The following SLCO1A2 variants were observed in gnomAD, a reference collection of about 807,000 sequenced individuals.
The protein encoded by SLCO1A2 is solute carrier organic anion transporter family member 1A2, also known as OATP-1.
In SLCO1A2, 67 loss-of-function variants were observed where a neutral mutation model predicts 69.0. The observed-to-expected ratio is 0.97, with a 90% CI of 0.80 to 1.19. SLCO1A2 has a LOEUF of 1.19. SLCO1A2 is among the 50% of genes most tolerant of loss of function. The pLI, the probability that SLCO1A2 is intolerant of heterozygous loss-of-function variation, is 0.00. For synonymous variants in SLCO1A2, 260 were observed against 265.9 expected (o/e 0.98, Z 0.22); for missense variants, 787 against 793.7 (o/e 0.99, Z 0.10).
intron 12 of SLCO1A2, among the ~76,000 whole-genome samples, chr12:21,287,618 T>G (rs11045939): frequency 8.4e-6 from 1 of 118,590 alleles, no homozygotes; most frequent in Non-Finnish European, 1.8e-5. Flanking sequence ...ACCCAAATGT[T>G]CAACAATGAT....
chr12:21,407,686 A>C (rs1211786790), intron 1 of SLCO1A2, among the ~76,000 whole-genome samples: 1 of 152,118 alleles, frequency 6.6e-6, no homozygotes, highest in Non-Finnish European at 1.5e-5. Context: ...CTGTAGTCCC[A>C]GCTACTCCCT....
chr12:21,339,400 T>C (rs1952994316), upstream of SLCO1A2, among the ~76,000 whole-genome samples: 1 of 151,964 alleles, frequency 6.6e-6, no homozygotes, highest in Non-Finnish European at 1.5e-5. Context: ...GATTGCAGCA[T>C]AGTAGTTCAA....
rs1952812855 is a variant in SLCO1A2 at position 21,334,594 on chromosome 12, C to T, written c.54G>A (p.Lys18=). 6.2e-7 allele frequency: 1 copy of T among 1,609,144 alleles called. No individual in the cohort carries two copies. The highest frequency in any genetic ancestry group is 8.5e-7 in the Non-Finnish European group (1 of 1,177,058). The change falls in exon 2 of 15, where the codon AAG becomes AAA. Residue 18 remains lysine, a synonymous_variant. Coordinates refer to ENST00000683939, the MANE Select transcript of SLCO1A2 (RefSeq NM_001386879.1). ...IETHRIRCLS[K]LKMFLLAITC... is the part of the protein sequence containing the mutation. ...ACATACAAAAATTCCATACCTTCAA[C>T]TTGGAAAGACATCTTATTCTATGGG...
At chr12:21,354,234 A>G (rs142461075) in intron 2 of SLCO1A2, among the ~76,000 whole-genome samples, 56 of 152,314 alleles carry the variant, frequency 3.7e-4, no homozygotes, top group African/African-American at 1.3e-3. Flanking sequence ...CTGTGCCGAC[A>G]ATTATATTTT....
chr12:21,365,768 C>T (rs1475875174), intron 2 of SLCO1A2, among the ~76,000 whole-genome samples: 6 of 152,258 alleles, frequency 3.9e-5, no homozygotes, highest in African/African-American at 1.2e-4. Flanking sequence ...CAAAAGAAGA[C>T]ATTTATGCAG....
intron 12 of SLCO1A2, 101 bp downstream of exon 12, chr12:21,292,063 G>C: frequency 1.3e-6 from 1 of 746,626 alleles, no homozygotes; most frequent in East Asian, 2.7e-5. Flanking sequence ...GTACGTTAGA[G>C]CACTGAGTTC....
chr12:21,398,445 T>C (rs1314730716), upstream of SLCO1A2, among the ~76,000 whole-genome samples: 1 of 138,546 alleles, frequency 7.2e-6, no homozygotes, highest in Non-Finnish European at 1.6e-5. Flanking sequence ...CTACCAGAGG[T>C]ACAAGGAGGA....
At chr12:21,378,604 A>G (rs1940381735) in intron 1 of SLCO1A2, 1 of 542,206 alleles carries the variant, frequency 1.8e-6, no homozygotes, top group Admixed American at 3.1e-5. Flanking sequence ...TCCCATAATA[A>G]AAAGATAGTA....
chr12:21,312,930 A>G (rs942538525), intron 4 of SLCO1A2, among the ~76,000 whole-genome samples: 3 of 152,070 alleles, frequency 2.0e-5, no homozygotes, highest in Admixed American at 6.5e-5. Context: ...ATATATATAT[A>G]CAAAAATTAG....
chr12:21,354,290 T>C (rs1192374861), intron 2 of SLCO1A2, among the ~76,000 whole-genome samples: 1 of 152,226 alleles, frequency 6.6e-6, no homozygotes, highest in East Asian at 1.9e-4. Flanking sequence ...AAGCATTCAA[T>C]GAACATGTGT....
chr12:21,409,048 C>T (rs1290967635), intron 1 of SLCO1A2, among the ~76,000 whole-genome samples: 2 of 152,134 alleles, frequency 1.3e-5, no homozygotes, highest in Non-Finnish European at 2.9e-5. Flanking sequence ...GTTTTAGTTC[C>T]CAAAGAAAAC....
chr12:21,314,811 G>T, intron 3 of SLCO1A2, 130 bp from the exon 4 acceptor site: 2 of 727,856 alleles, frequency 2.7e-6, no homozygotes, highest in Admixed American at 2.8e-5. Flanking sequence ...TTGTGCTAGG[G>T]TTGCATTAAA....
intron 10 of SLCO1A2, chr12:21,295,335 C>G (rs1305052072): frequency 3.0e-6 from 1 of 331,832 alleles, no homozygotes; most frequent in Non-Finnish European, 5.5e-6. Context: ...ACTCGGATAT[C>G]ACAAAGACAA....
intron 3 of SLCO1A2, among the ~76,000 whole-genome samples, chr12:21,317,610 A>T (rs927754362): frequency 1.3e-5 from 2 of 152,210 alleles, no homozygotes; most frequent in African/African-American, 4.8e-5. Context: ...TGGGCTATAC[A>T]TGGAGTTAGT....
rs546732558 is a variant in SLCO1A2 at position 21,270,912 on chromosome 12, A to T, written c.1794-1145T>A. ...AATATCTTTGCACCTTTACAAAAAC[A>T]TAGCTCTTTACTTTCTTATTCCCTC... On this transcript the variant is annotated intron_variant, in intron 14 of 14. Coordinates refer to ENST00000683939, the MANE Select transcript of SLCO1A2 (RefSeq NM_001386879.1). Among the ~76,000 whole-genome samples the T allele has an allele frequency of 4.6e-5, 7 of 151,812 alleles. No homozygotes were observed. The South Asian group carries it at 1.4e-3, about 31-fold the overall frequency.
chr12:21,287,473 A>G lies in SLCO1A2; in HGVS notation c.1610+4691T>C, dbSNP rs1247332892. On this transcript the variant is annotated intron_variant, in intron 12 of 14. Transcript: ENST00000683939. ...TGTGGCGATTCCTCAGGGATCTAGA[A>G]CTAGAAATACCATTTGACCCAGCCA... 6.7e-5 allele frequency among the ~76,000 whole-genome samples: 9 copies of G among 133,402 alleles called. 1 individual carries two copies. The highest frequency in any genetic ancestry group is 2.4e-4 in the African/African-American group (8 of 33,568). The allele number at this position is 133,402 out of a possible 152,430, so 87.5% of individuals were successfully genotyped here. A position where few individuals can be genotyped will look rare whatever the true frequency, so the allele number is the denominator to read the frequency against.
chr12:21,274,636 G>T (rs1943467109), intron 13 of SLCO1A2, 50 bp from the exon 14 acceptor site: 1 of 1,161,510 alleles, frequency 8.6e-7, no homozygotes, highest in Non-Finnish European at 1.3e-6. Context: ...TAAGATACTT[G>T]ATTTATTTGG....
intron 2 of SLCO1A2, among the ~76,000 whole-genome samples, chr12:21,366,017 A>G (rs1939347526): frequency 6.6e-6 from 1 of 152,218 alleles, no homozygotes; most frequent in Non-Finnish European, 1.5e-5. Context: ...TTGAACTAGA[A>G]ATACCATTTG....
chr12:21,271,720 AAT>A (rs1021127479), intron 14 of SLCO1A2, among the ~76,000 whole-genome samples: 1 of 148,358 alleles, frequency 6.7e-6, no homozygotes, highest in Admixed American at 6.8e-5. Flanking sequence ...TATACATGTG[AAT>A]ATATGTTGCA....
Sources: allele counts gnomAD v4.1 joint callset (sites outside exome capture counted in the v4.1 genomes callset), GRCh38; gene constraint gnomAD v4.1.1; transcripts MANE v1.5; gene names NCBI Gene and HGNC (gene_info 2026-07-23, HGNC 2026-07-21).